Variants in OR3A2 observed in about 807,000 individuals in gnomAD.
OR3A2 encodes the protein olfactory receptor family 3 subfamily A member 2.
For synonymous variants in OR3A2, 126 were observed against 159.3 expected, an observed-to-expected ratio of 0.79 and a Z score of 1.57; for missense variants, 318 against 392.8, an observed-to-expected ratio of 0.81 and a Z score of 1.61.
intron 2 of OR3A2, among the ~76,000 whole-genome samples, chr17:3,339,252 A>T (rs926468844): frequency 6.6e-6 from 1 of 152,206 alleles, no homozygotes; most frequent in African/African-American, 2.4e-5. Flanking sequence ...AATTGAATAC[A>T]CTTTATTTCT....
At chr17:3,293,626 G>T (rs2048895503) in intron 3 of OR3A2, among the ~76,000 whole-genome samples, 2 of 152,180 alleles carry the variant, frequency 1.3e-5, no homozygotes, top group Admixed American at 1.3e-4. Flanking sequence ...AAGACAAATG[G>T]ATGACAAAAT....
intron 3 of OR3A2, among the ~76,000 whole-genome samples, chr17:3,303,860 C>G (rs2048983040): frequency 6.7e-6 from 1 of 150,002 alleles, no homozygotes; most frequent in Admixed American, 6.7e-5. Context: ...GCACTGCACT[C>G]CAGCCTGGGC....
exon 2 of OR3A2, chr17:3,278,333 G>C (rs761133902): frequency 2.5e-6 from 4 of 1,614,220 alleles, no homozygotes; most frequent in Non-Finnish European, 3.4e-6. Flanking sequence ...CATTGAGTTG[G>C]GTGCTGGAGC....
chr17:3,367,581 A>C (rs994147134), intron 2 of OR3A2, among the ~76,000 whole-genome samples: 3 of 123,382 alleles, frequency 2.4e-5, no homozygotes, highest in South Asian at 3.1e-4. Context: ...CATGGTGTAT[A>C]TGTATATGTG....
At chr17:3,277,990 C>A (rs61729398) in exon 2 of OR3A2, 31,800 of 1,598,936 alleles carry the variant, frequency 0.02, 436 homozygotes, top group Non-Finnish European at 0.022. Flanking sequence ...GATCTCCTCC[C>A]CAAAAATATT....
At position 3,347,930 on chromosome 17, in the gene OR3A2, T is replaced by C. The variant is rs2049382285; in HGVS notation, c.-178-11804A>G. On this transcript the variant is annotated intron_variant, in intron 2 of 4. Transcript: ENST00000573491. ...TATTGCTTCCTGACTTTTTAATGATTGCCATTCTAACTGGTGTGAAATGGT... is the reference window on the plus strand; with the variant it reads ...TATTGCTTCCTGACTTTTTAATGATCGCCATTCTAACTGGTGTGAAATGGT... Among the ~76,000 whole-genome samples, 3 of 152,306 alleles carry C rather than the reference T, an allele frequency of 2.0e-5. No individual in the cohort carries two copies. The South Asian group carries it at 6.2e-4, about 32-fold the overall frequency.
At chr17:3,372,361 C>T (rs2049637212) in intron 2 of OR3A2, among the ~76,000 whole-genome samples, 1 of 149,712 alleles carries the variant, frequency 6.7e-6, no homozygotes, top group Admixed American at 6.6e-5. Flanking sequence ...GGCAGAGGGG[C>T]TCCTCACGTC....
intron 1 of OR3A2, among the ~76,000 whole-genome samples, chr17:3,281,358 T>G (rs967443895): frequency 2.6e-5 from 4 of 151,538 alleles, no homozygotes; most frequent in African/African-American, 4.9e-5. Context: ...CTCAGCCTCC[T>G]CAGTAGCTGG....
intron 2 of OR3A2, among the ~76,000 whole-genome samples, chr17:3,381,370 C>T (rs183611942): frequency 6.6e-5 from 10 of 150,452 alleles, no homozygotes; most frequent in African/African-American, 2.5e-4. Flanking sequence ...CCTCATTTTG[C>T]GACCTTAAAT....
downstream of OR3A2, among the ~76,000 whole-genome samples, chr17:3,276,119 A>G (rs2048733506): frequency 3.3e-5 from 5 of 151,838 alleles, no homozygotes; most frequent in South Asian, 1.0e-3. Flanking sequence ...AAAAAAAGAA[A>G]AAAAAAAGAA....
chr17:3,336,302 G>A (rs2049274262), intron 2 of OR3A2, among the ~76,000 whole-genome samples, 176 bp from the exon 2 acceptor site: 1 of 152,044 alleles, frequency 6.6e-6, no homozygotes, highest in African/African-American at 2.4e-5. Context: ...ATTTTAATCT[G>A]TACCTTGAAA....
At chr17:3,378,483 A>G (rs867930845) in intron 2 of OR3A2, among the ~76,000 whole-genome samples, 2 of 152,110 alleles carry the variant, frequency 1.3e-5, no homozygotes, top group African/African-American at 2.4e-5. Flanking sequence ...GACCCCTAAG[A>G]GTGCAGGGAT....
intron 2 of OR3A2, among the ~76,000 whole-genome samples, chr17:3,359,686 T>C (rs960973543): frequency 6.6e-6 from 1 of 151,658 alleles, no homozygotes; most frequent in African/African-American, 2.4e-5. Context: ...ACCTTCCCTT[T>C]CTCTCTAGTT....
exon 2 of OR3A2, chr17:3,278,674 G>T (rs2048758515): frequency 7.2e-7 from 1 of 1,386,502 alleles, no homozygotes; most frequent in African/African-American, 1.5e-5. Context: ...AACATTGCAG[G>T]AACAGTGACA....
rs570537681 is a variant in OR3A2, at chr17:3,289,837, T to A, written c.-84-10684A>T. 2.0e-4 allele frequency among the ~76,000 whole-genome samples: 30 copies of A among 152,278 alleles called. 1 individual carries two copies. The highest frequency in any genetic ancestry group is 6.8e-3 in the Middle Eastern group (2 of 294). On this transcript the variant is annotated intron_variant, in intron 3 of 4. Coordinates refer to the OR3A2 transcript ENST00000573491. The stretch of plus-strand genomic sequence containing the variant: ...CTTGACCCTGGAAGAAGACTCACTC[T>A]TTGTGTCCCTGAAGTTTGTCTGATG...
At chr17:3,324,381 G>A (rs901465338) in intron 3 of OR3A2, among the ~76,000 whole-genome samples, 1 of 152,016 alleles carries the variant, frequency 6.6e-6, no homozygotes. Context: ...TCTCCGTCCA[G>A]CTTTGTTCCA....
intron 3 of OR3A2, among the ~76,000 whole-genome samples, chr17:3,332,583 G>C (rs1169737234): frequency 1.3e-5 from 2 of 152,230 alleles, no homozygotes; most frequent in African/African-American, 4.8e-5. Context: ...CACACCCACT[G>C]ACCTGCGCCC....
At chr17:3,362,402 T>C (rs952849100) in intron 2 of OR3A2, among the ~76,000 whole-genome samples, 1 of 151,754 alleles carries the variant, frequency 6.6e-6, no homozygotes, top group Non-Finnish European at 1.5e-5. Context: ...AAGGGTTTTT[T>C]GTGTCTCTAT....
At chr17:3,360,408 G>T (rs1471378907) in intron 2 of OR3A2, among the ~76,000 whole-genome samples, 1 of 151,602 alleles carries the variant, frequency 6.6e-6, no homozygotes, top group African/African-American at 2.4e-5. Context: ...CTGTGCAGAA[G>T]CTCTTTAGTT....
Sources: allele counts gnomAD v4.1 joint callset (sites outside exome capture counted in the v4.1 genomes callset), GRCh38; gene constraint gnomAD v4.1.1; transcripts MANE v1.5; gene names NCBI Gene and HGNC (gene_info 2026-07-23, HGNC 2026-07-21).